Variants in CSMD1 observed in about 807,000 individuals in gnomAD.
CSMD1 encodes the protein CUB and sushi domain-containing protein 1.
CSMD1 carries 213 observed loss-of-function variants against 417.5 expected under a neutral mutation model. The observed-to-expected ratio is 0.51, with a 90% confidence interval of 0.46 to 0.57. The LOEUF is 0.57. Ranked by LOEUF, CSMD1 falls within the 20% of genes least tolerant of loss-of-function variation. The pLI is 0.00. For synonymous variants in CSMD1, 2,862 were observed against 1,736.8 expected (o/e 1.65, Z -16.11); for missense variants, 6,923 against 4,529.7 (o/e 1.53, Z -15.17).
chr8:3,129,695 A>T (rs74516054), intron 41 of CSMD1, among the ~76,000 whole-genome samples: 1 of 151,564 alleles, frequency 6.6e-6, no homozygotes, highest in Non-Finnish European at 1.5e-5. Flanking sequence ...TTAAAAAAAA[A>T]CTGTGGAGCT....
At chr8:4,104,639 A>C (rs1434496759) in intron 3 of CSMD1, among the ~76,000 whole-genome samples, 1 of 152,196 alleles carries the variant, frequency 6.6e-6, no homozygotes, top group Non-Finnish European at 1.5e-5. Flanking sequence ...CTAGTTTGTC[A>C]TACATGGGAA....
At chr8:3,783,656 T>C (rs779819411) in intron 5 of CSMD1, among the ~76,000 whole-genome samples, 3 of 152,186 alleles carry the variant, frequency 2.0e-5, no homozygotes, top group Admixed American at 6.5e-5. Flanking sequence ...TAAAACATGG[T>C]TGAAGCACCC....
chr8:4,668,714 A>C (rs1805109768), intron 1 of CSMD1, among the ~76,000 whole-genome samples: 1 of 151,984 alleles, frequency 6.6e-6, no homozygotes, highest in African/African-American at 2.4e-5. Context: ...CCTCCCAAAA[A>C]TAAAACATTA....
At chr8:4,801,541 C>G (rs1798286081) in intron 1 of CSMD1, among the ~76,000 whole-genome samples, 4 of 151,638 alleles carry the variant, frequency 2.6e-5, no homozygotes, top group Admixed American at 6.6e-5. Flanking sequence ...AAATTAGAAA[C>G]AAATCTTTTC....
chr8:4,621,263 G>A (rs1302919370), intron 2 of CSMD1, among the ~76,000 whole-genome samples: 1 of 151,998 alleles, frequency 6.6e-6, no homozygotes, highest in Non-Finnish European at 1.5e-5. Context: ...TACATAACCT[G>A]AAGACAATTT....
At chr8:4,159,892 G>A (rs548601489) in intron 3 of CSMD1, among the ~76,000 whole-genome samples, 6 of 152,262 alleles carry the variant, frequency 3.9e-5, no homozygotes, top group Admixed American at 1.3e-4. Context: ...TAGCCTATGA[G>A]GATGCAAAGG....
chr8:3,478,026 T>C (rs901265338), intron 11 of CSMD1, among the ~76,000 whole-genome samples: 1 of 152,312 alleles, frequency 6.6e-6, no homozygotes, highest in African/African-American at 2.4e-5. Flanking sequence ...TTCATACATA[T>C]ACTGAAGTTA....
chr8:3,279,532 G>A (rs912643369), intron 26 of CSMD1, among the ~76,000 whole-genome samples: 1 of 152,160 alleles, frequency 6.6e-6, no homozygotes, highest in Non-Finnish European at 1.5e-5. Context: ...GACAATCCCA[G>A]TGGGATAATT....
chr8:4,141,148 G>C (rs1803765825), intron 3 of CSMD1, among the ~76,000 whole-genome samples: 1 of 151,104 alleles, frequency 6.6e-6, no homozygotes. Context: ...GCTCCAATAA[G>C]TAACAGAACG....
chr8:3,652,110 G>C (rs906097218), intron 7 of CSMD1, among the ~76,000 whole-genome samples: 1 of 101,156 alleles, frequency 9.9e-6, no homozygotes, highest in Admixed American at 9.1e-5. Flanking sequence ...ACCACCATCA[G>C]CACGCTTACC....
intron 1 of CSMD1, among the ~76,000 whole-genome samples, chr8:4,826,297 A>T (rs1799821949): frequency 6.6e-6 from 1 of 152,052 alleles, no homozygotes; most frequent in South Asian, 2.1e-4. Flanking sequence ...ACGTATATGT[A>T]TGTGTGTATA....
At chr8:4,588,316 T>A (rs1419314179) in intron 2 of CSMD1, among the ~76,000 whole-genome samples, 1 of 146,098 alleles carries the variant, frequency 6.8e-6, no homozygotes, top group Non-Finnish European at 1.5e-5. Context: ...AAATAAAACA[T>A]CAGACCACAG....
chr8:3,363,803 T>C (rs1166528064), intron 20 of CSMD1, among the ~76,000 whole-genome samples: 1 of 152,158 alleles, frequency 6.6e-6, no homozygotes. Context: ...ACTGAAGAAG[T>C]AGACACGTCG....
chr8:3,131,385 TA>T (rs549794703), intron 41 of CSMD1, among the ~76,000 whole-genome samples: 270 of 148,948 alleles, frequency 1.8e-3, no homozygotes, highest in African/African-American at 6.1e-3. Context: ...TAAAATAAAA[TA>T]AAAAAAGAAA....
chr8:4,167,591 G>A (rs1207103626), intron 3 of CSMD1, among the ~76,000 whole-genome samples: 1 of 152,246 alleles, frequency 6.6e-6, no homozygotes, highest in African/African-American at 2.4e-5. Flanking sequence ...TTAAGGATAT[G>A]CAAATGGCAG....
At position 3,507,795 on chromosome 8, in the gene CSMD1, A is replaced by C. The variant is rs569698208; in HGVS notation, c.1345-14069T>G. ...TTTTCATGTGTTTTTTTGGCTGCATAAATGTCTTCTTTTGAGAAATATCTG... is the reference window on the plus strand; with the variant it reads ...TTTTCATGTGTTTTTTTGGCTGCATCAATGTCTTCTTTTGAGAAATATCTG... On this transcript the variant is annotated intron_variant, in intron 10 of 69. Transcript: ENST00000635120. Among the ~76,000 whole-genome samples, 8 of 152,278 alleles carry C rather than the reference A, an allele frequency of 5.3e-5. No homozygotes were observed. The South Asian group carries it at 1.7e-3, about 32-fold the overall frequency.
At chr8:4,452,566 T>C (rs1310791064) in intron 2 of CSMD1, among the ~76,000 whole-genome samples, 1 of 152,200 alleles carries the variant, frequency 6.6e-6, no homozygotes, top group Non-Finnish European at 1.5e-5. Flanking sequence ...ATCATTTTTA[T>C]CAAGAATATT....
intron 3 of CSMD1, among the ~76,000 whole-genome samples, chr8:4,321,216 C>T (rs1303773526): frequency 6.6e-6 from 1 of 152,074 alleles, no homozygotes; most frequent in East Asian, 1.9e-4. Context: ...AGTGCATGAA[C>T]ACGTTCATGA....
intron 2 of CSMD1, among the ~76,000 whole-genome samples, chr8:4,463,390 T>C (rs1022995583): frequency 5.9e-5 from 9 of 152,174 alleles, no homozygotes; most frequent in African/African-American, 2.2e-4. Context: ...CGACATAACA[T>C]TGCCATATGA....
Sources: allele counts gnomAD v4.1 joint callset (sites outside exome capture counted in the v4.1 genomes callset), GRCh38; gene constraint gnomAD v4.1.1; transcripts MANE v1.5; gene names NCBI Gene and HGNC (gene_info 2026-07-23, HGNC 2026-07-21).